Variants in RBFOX1 observed in about 807,000 individuals in gnomAD.
RBFOX1 encodes RNA binding fox-1 homolog 1.
RBFOX1 carries 8 observed loss-of-function variants against 57.7 expected under a neutral mutation model. The ratio of observed to expected loss-of-function variants is 0.14; its 90% CI spans 0.08 to 0.25. The LOEUF is 0.25. Ranked by LOEUF, RBFOX1 falls within the 10% of genes least tolerant of loss-of-function variation. RBFOX1 has a pLI of 1.00. For missense variants in RBFOX1, 611 were observed against 548.5 expected, an observed-to-expected ratio of 1.11 and a Z score of -1.14; for synonymous variants, 326 against 222.4, an observed-to-expected ratio of 1.47 and a Z score of -4.15.
At chr16:6,835,752 TAAAAAAA>T (rs56299805) in intron 3 of RBFOX1, among the ~76,000 whole-genome samples, 30 of 76,982 alleles carry the variant, frequency 3.9e-4, no homozygotes, top group Middle Eastern at 9.6e-3. Context: ...AGACTCTGCT[TAAAAAAA>T]AAAAAAAAAA....
At chr16:6,510,417 C>T (rs1239876510) in intron 2 of RBFOX1, among the ~76,000 whole-genome samples, 1 of 152,180 alleles carries the variant, frequency 6.6e-6, no homozygotes, top group Non-Finnish European at 1.5e-5. Context: ...TGATGACACG[C>T]TGAGTCCCTG....
At chr16:7,605,652 G>GA (rs1332802886) in intron 9 of RBFOX1, among the ~76,000 whole-genome samples, 3 of 152,182 alleles carry the variant, frequency 2.0e-5, no homozygotes, top group Non-Finnish European at 4.4e-5. Flanking sequence ...AGTTCGGGCA[G>GA]AAAATCACAC....
intron 2 of RBFOX1, among the ~76,000 whole-genome samples, chr16:6,622,271 G>T (rs1474264163): frequency 1.3e-5 from 2 of 152,164 alleles, no homozygotes; most frequent in Non-Finnish European, 2.9e-5. Context: ...CTACATATAT[G>T]ACTGTGGTCC....
intron 3 of RBFOX1, among the ~76,000 whole-genome samples, chr16:6,672,769 T>G (rs1347039793): frequency 6.6e-6 from 1 of 152,198 alleles, no homozygotes; most frequent in Non-Finnish European, 1.5e-5. Context: ...TCATACCTTC[T>G]ACCAATTCAC....
intron 3 of RBFOX1, among the ~76,000 whole-genome samples, chr16:5,714,261 C>A (rs8058626): frequency 0.081 from 12,399 of 152,242 alleles, 1,685 homozygotes; most frequent in African/African-American, 0.28. Context: ...CTTGCTTTGG[C>A]CAATGGCTCA....
intron 3 of RBFOX1, among the ~76,000 whole-genome samples, chr16:7,046,566 C>T (rs369631835): frequency 1.7e-4 from 25 of 149,332 alleles, no homozygotes; most frequent in South Asian, 1.3e-3. Context: ...TTTATCACCA[C>T]GTATGCCTCT....
At chr16:7,161,227 C>T (rs936663616) in intron 4 of RBFOX1, among the ~76,000 whole-genome samples, 1 of 152,054 alleles carries the variant, frequency 6.6e-6, no homozygotes, top group Admixed American at 6.5e-5. Context: ...TAGGCAGGTT[C>T]GTGGAGAAAG....
At chr16:5,753,445 A>G (rs553847301) in intron 3 of RBFOX1, among the ~76,000 whole-genome samples, 2 of 152,288 alleles carry the variant, frequency 1.3e-5, no homozygotes, top group South Asian at 4.1e-4. Flanking sequence ...CTTGAAAAAG[A>G]GTTACAACTC....
intron 4 of RBFOX1, among the ~76,000 whole-genome samples, chr16:7,304,813 A>C (rs2096133359): frequency 2.0e-5 from 3 of 152,064 alleles, no homozygotes; most frequent in Non-Finnish European, 2.9e-5. Flanking sequence ...GACCCCTTTG[A>C]TGCTAAGAGT....
intron 4 of RBFOX1, among the ~76,000 whole-genome samples, chr16:7,114,768 G>C (rs1233908394): frequency 6.6e-6 from 1 of 152,174 alleles, no homozygotes; most frequent in East Asian, 1.9e-4. Flanking sequence ...CTGTTTACAT[G>C]TGCTTCTCTG....
rs569042668 is a variant in RBFOX1 at position 5,946,221 on chromosome 16, C to T, written c.351+78886C>T. On this transcript the variant is annotated intron_variant, in intron 4 of 19. Transcript: ENST00000641259. The surrounding 1 kb of genome is among the most constrained non-coding windows in gnomAD (Gnocchi z 4.6). ...GGGCCAGGCTCTGCCACATTAGATG[C>T]CTTCACGTCTCTAAGTGTCTCTAAG... Among the ~76,000 whole-genome samples the T allele has an allele frequency of 6.6e-6, 1 of 152,290 alleles. No homozygotes were observed. The highest frequency in any genetic ancestry group is 1.9e-4 in the East Asian group (1 of 5,186).
At chr16:6,543,545 A>T (rs1294460875) in intron 2 of RBFOX1, among the ~76,000 whole-genome samples, 1 of 151,700 alleles carries the variant, frequency 6.6e-6, no homozygotes, top group Non-Finnish European at 1.5e-5. Context: ...CGCTTTTTAT[A>T]CCTTACTGTG....
Position 6,247,174 on chromosome 16 carries a change from C to T in RBFOX1, c.-126-69821C>T, listed in dbSNP as rs144472699. Among the ~76,000 whole-genome samples, 1,022 of 152,272 alleles carry T rather than the reference C, an allele frequency of 6.7e-3. 5 individuals are homozygous for T. The highest frequency in any genetic ancestry group is 0.017 in the Middle Eastern group (5 of 294). ...ATATAGCTACTATAACAATTAAATT[C>T]AGTATGTGAAATTGCAACTGTCTTG... On this transcript the variant is annotated intron_variant, in intron 1 of 15. Coordinates refer to ENST00000550418, the MANE Select transcript of RBFOX1 (RefSeq NM_018723.4).
chr16:5,753,778 T>A (rs2053298548), intron 3 of RBFOX1, among the ~76,000 whole-genome samples: 1 of 151,970 alleles, frequency 6.6e-6, no homozygotes, highest in South Asian at 2.1e-4. Flanking sequence ...GAGCCTCCCC[T>A]CTTAGCACAT....
intron 4 of RBFOX1, among the ~76,000 whole-genome samples, chr16:7,336,925 T>A (rs1251182370): frequency 6.6e-6 from 1 of 152,206 alleles, no homozygotes. Flanking sequence ...TCATGTATTT[T>A]GCTGTAGGAA....
chr16:6,216,220 A>T (rs566235242), intron 1 of RBFOX1, among the ~76,000 whole-genome samples: 1 of 152,206 alleles, frequency 6.6e-6, no homozygotes, highest in East Asian at 1.9e-4. Flanking sequence ...TCTGAACAAC[A>T]ACCCCCCATG....
intron 4 of RBFOX1, among the ~76,000 whole-genome samples, chr16:7,502,991 C>A (rs564068080): frequency 6.6e-6 from 1 of 152,030 alleles, no homozygotes; most frequent in South Asian, 2.1e-4. Flanking sequence ...CCACTGCACT[C>A]CAGCCTGGGT....
chr16:7,495,277 A>T (rs1172565265), intron 4 of RBFOX1, among the ~76,000 whole-genome samples: 1 of 152,228 alleles, frequency 6.6e-6, no homozygotes, highest in Non-Finnish European at 1.5e-5. Flanking sequence ...AGTGATTAAC[A>T]TACTTGTGCA....
At chr16:6,661,081 A>G (rs1457801777) in intron 3 of RBFOX1, among the ~76,000 whole-genome samples, 2 of 152,202 alleles carry the variant, frequency 1.3e-5, no homozygotes, top group Non-Finnish European at 2.9e-5. Context: ...GGGAGCTGTT[A>G]TTCAGCTAAA....
Sources: allele counts gnomAD v4.1 joint callset (sites outside exome capture counted in the v4.1 genomes callset), GRCh38; gene constraint gnomAD v4.1.1; non-coding constraint Gnocchi (gnomAD v3.1); transcripts MANE v1.5; gene names NCBI Gene and HGNC (gene_info 2026-07-23, HGNC 2026-07-21).